CREBBP: variants seen among roughly 807,000 people sequenced by gnomAD.
The protein encoded by CREBBP is CREB binding lysine acetyltransferase, also known as CREB-binding protein.
A neutral mutation model predicts 265.0 loss-of-function variants in CREBBP; 19 were observed. That is an observed-to-expected ratio of 0.07 (90% CI 0.05 to 0.11). The LOEUF (loss-of-function observed/expected upper bound fraction) is 0.11. CREBBP is among the 10% of genes least tolerant of loss of function. CREBBP has a pLI of 1.00. For synonymous variants in CREBBP, 1,457 were observed against 1,223.7 expected (o/e 1.19, Z -3.98); for missense variants, 2,525 against 3,219.0 (o/e 0.78, Z 5.22).
intron 5 of CREBBP, among the ~76,000 whole-genome samples, chr16:3,785,184 T>C (rs1162316676): frequency 6.6e-6 from 1 of 152,174 alleles, no homozygotes; most frequent in Non-Finnish European, 1.5e-5. Flanking sequence ...CCATCAACTG[T>C]ACTGCAACCT....
At chr16:3,761,653 G>A (rs1021282176) in intron 16 of CREBBP, 35 of 504,206 alleles carry the variant, frequency 6.9e-5, no homozygotes, top group African/African-American at 6.1e-4. Flanking sequence ...TGAGGTCCGG[G>A]CAACCAGGTA....
chr16:3,734,525 C>T (rs1044251512), intron 28 of CREBBP, among the ~76,000 whole-genome samples: 1 of 152,200 alleles, frequency 6.6e-6, no homozygotes, highest in African/African-American at 2.4e-5. Context: ...CTGCGCAAAG[C>T]CTGTCTCGGA....
At chr16:3,729,988 G>C (rs1381837777) in intron 30 of CREBBP, 114 bp from the exon 31 acceptor site, 1 of 1,520,546 alleles carries the variant, frequency 6.6e-7, no homozygotes, top group African/African-American at 1.4e-5. Context: ...GACCCAGGCA[G>C]GATAGGAGAC....
rs907474283 is a variant in CREBBP at position 3,880,011 on chromosome 16, G to C, written c.-95C>G. On this transcript the variant is annotated 5_prime_UTR_variant, in exon 1 of 31. Transcript: ENST00000262367. ...GGGCCCTGCCGGCTGCGAGGGAGAG[G>C]AGCGAGCGCGGGCCGCGAGCGGGCG... 9.1e-7 allele frequency: 1 copy of C among 1,104,352 alleles called. No individual in the cohort carries two copies. Among genetic ancestry groups the C allele is most frequent in the Non-Finnish European group, 1.2e-6 (1 of 850,620 alleles). 68.4% of individuals were successfully genotyped at this position (1,104,352 alleles called of 1,614,324 possible).
intron 5 of CREBBP, among the ~76,000 whole-genome samples, chr16:3,790,832 A>G (rs1309740050): frequency 6.6e-6 from 1 of 152,130 alleles, no homozygotes; most frequent in Non-Finnish European, 1.5e-5. Flanking sequence ...GACTCAGTAA[A>G]AGGAAAACCA....
chr16:3,876,691 T>C (rs1489515572), intron 1 of CREBBP, among the ~76,000 whole-genome samples: 2 of 152,170 alleles, frequency 1.3e-5, no homozygotes, highest in East Asian at 1.9e-4. Context: ...TACTTTAACA[T>C]CTGAGGCCAT....
chr16:3,851,619 C>G (rs2054838655), intron 1 of CREBBP, among the ~76,000 whole-genome samples: 1 of 152,030 alleles, frequency 6.6e-6, no homozygotes, highest in African/African-American at 2.4e-5. Flanking sequence ...CTTTGGGAGG[C>G]TGAGGCAGGC....
At position 3,731,687 on chromosome 16, in the gene CREBBP, G is replaced by A. The variant is rs993018807; in HGVS notation, c.4890+89C>T. Reference sequence around the variant, plus strand: ...TGGGGGCCACTTCCCTCCCACCACAGACCTGCACACGGGCCCACGCCCGCC... The same window carrying A: ...TGGGGGCCACTTCCCTCCCACCACAAACCTGCACACGGGCCCACGCCCGCC... On this transcript the variant is annotated intron_variant, in intron 29 of 30. Coordinates refer to ENST00000262367, the MANE Select transcript of CREBBP (RefSeq NM_004380.3). The surrounding 1 kb of genome is among the most constrained non-coding windows in gnomAD (Gnocchi z 7.7). 7.0e-6 allele frequency: 11 copies of A among 1,573,984 alleles called. No homozygotes were observed. Among genetic ancestry groups the A allele is most frequent in the Non-Finnish European group, 8.7e-6 (10 of 1,146,042 alleles).
Position 3,751,768 on chromosome 16 carries a change from C to T in CREBBP, c.3737G>A (p.Gly1246Asp), listed in dbSNP as rs2151373743. 1.9e-6 allele frequency: 3 copies of T among 1,614,158 alleles called. No individual in the cohort carries two copies. Among genetic ancestry groups the T allele is most frequent in the Non-Finnish European group, 2.5e-6 (3 of 1,180,038 alleles). ...GTCGTCACCCAGGGTCACATTCTCGCCCTGGATCTCTGTGAAACACTTCTC... is the reference window on the plus strand; with the variant it reads ...GTCGTCACCCAGGGTCACATTCTCGTCCTGGATCTCTGTGAAACACTTCTC... ...FCEKCFTEIQ[G>D]ENVTLGDDPS... is the part of the protein sequence containing the mutation. Residue 1246 changes from glycine to aspartate, a missense_variant, in exon 20 of 31, where the codon GGC (glycine) becomes GAC (aspartate). By Grantham distance (94) the Gly-to-Asp change is moderately conservative. This residue lies in a region of CREBBP where 252 missense variants were observed against 452.5 expected (regional missense o/e 0.56). Coordinates refer to ENST00000262367, the MANE Select transcript of CREBBP (RefSeq NM_004380.3).
intron 1 of CREBBP, among the ~76,000 whole-genome samples, chr16:3,861,652 C>CAAAA (rs368654449): frequency 8.3e-6 from 1 of 121,086 alleles, no homozygotes; most frequent in Non-Finnish European, 1.8e-5. Context: ...CTCTCTATAC[C>CAAAA]AAAAAAAAAA....
In CREBBP at chr16:3,731,717, G is replaced by A. The variant is rs2051921850; in HGVS notation, c.4890+59C>T. 6.2e-7 allele frequency: 1 copy of A among 1,610,018 alleles called. No individual in the cohort carries two copies. Among genetic ancestry groups the A allele is most frequent in the South Asian group, 1.1e-5 (1 of 90,998 alleles). ...GCACACGGGCCCACGCCCGCCAGCTGCGAGTCTTTCCCTCCTCCCGGCCAG... is the reference window on the plus strand; with the variant it reads ...GCACACGGGCCCACGCCCGCCAGCTACGAGTCTTTCCCTCCTCCCGGCCAG... On this transcript the variant is annotated intron_variant, in intron 29 of 30. Transcript: ENST00000262367. This position sits in a 1 kb window ranked among gnomAD's most constrained non-coding sequence, Gnocchi z 7.7.
chr16:3,728,956 G>A lies in CREBBP; in HGVS notation c.6091C>T (p.Pro2031Ser), dbSNP rs1596784872. 2 of 1,598,450 alleles carry A rather than the reference G, an allele frequency of 1.3e-6. No homozygotes were observed. The highest frequency in any genetic ancestry group is 1.1e-5 in the South Asian group (1 of 90,576). Residue 2031 changes from proline (P) to serine (S), a missense_variant, in exon 31 of 31, where the codon CCC becomes TCC. This residue lies in a region of CREBBP where 275 missense variants were observed against 276.5 expected (regional missense o/e 0.99). Coordinates refer to ENST00000262367, the MANE Select transcript of CREBBP (RefSeq NM_004380.3). The surrounding 1 kb of genome is among the most constrained non-coding windows in gnomAD (Gnocchi z 8.7). The stretch of plus-strand genomic sequence containing the variant: ...ACAGGCCTGGGCAAGCCTGGCATGG[G>A]CTGCTGCTGGGGAAGGGGCGCCTGC... ...WQQAPLPQQQPMPGLPRPVIS... is the reference protein window; with the variant it reads ...WQQAPLPQQQSMPGLPRPVIS...
intron 2 of CREBBP, among the ~76,000 whole-genome samples, chr16:3,834,750 G>A (rs565187426): frequency 4.6e-4 from 70 of 152,256 alleles, no homozygotes; most frequent in African/African-American, 1.7e-3. Flanking sequence ...AGTTGGGGAG[G>A]ATGTTGAAAA....
chr16:3,736,773 T>C lies in CREBBP; in HGVS notation c.4437A>G (p.Gly1479=). Reference sequence around the variant, plus strand: ...GGTGGCAATGGAAGATGTAATCATCTCCTTCACTTGGAGGACAGGCCCAGA... The same window carrying C: ...GGTGGCAATGGAAGATGTAATCATCCCCTTCACTTGGAGGACAGGCCCAGA... ...GHIWACPPSE[G]DDYIFHCHPP... is the part of the protein sequence containing the mutation. Residue 1479 remains glycine (G), a synonymous_variant, in exon 27 of 31, where the codon GGA becomes GGG. Transcript: ENST00000262367. 1 of 1,613,786 alleles carries C rather than the reference T, an allele frequency of 6.2e-7. No individual in the cohort carries two copies. Among genetic ancestry groups the C allele is most frequent in the Non-Finnish European group, 8.5e-7 (1 of 1,179,836 alleles).
rs2055496141 is a variant in CREBBP at position 3,880,025 on chromosome 16, C to CGCGA, written c.-113_-110dup. 2.1e-6 allele frequency: 2 copies of CGCGA among 947,256 alleles called. No individual in the cohort carries two copies. Among genetic ancestry groups the CGCGA allele is most frequent in the South Asian group, 4.7e-5 (1 of 21,478 alleles). 58.7% of individuals were successfully genotyped at this position (947,256 alleles called of 1,614,324 possible). Reference sequence around the variant, plus strand: ...GCGAGGGAGAGGAGCGAGCGCGGGCCGCGAGCGGGCGGGCGGGCGCCGAGG... The same window carrying CGCGA: ...GCGAGGGAGAGGAGCGAGCGCGGGCCGCGAGCGAGCGGGCGGGCGGGCGCCGAGG... On this transcript the variant is annotated 5_prime_UTR_variant, in exon 1 of 31. Transcript: ENST00000262367.
chr16:3,727,576 T>A lies in CREBBP; in HGVS notation c.*142A>T. ...TTTTAACAAAAAAATATATTCTTTG[T>A]ATTGTTTCTTTAAACATCAATCCAC... On this transcript the variant is annotated 3_prime_UTR_variant, in exon 31 of 31. Transcript: ENST00000262367. 7.4e-7 allele frequency: 1 copy of A among 1,353,792 alleles called. No individual in the cohort carries two copies. The allele number at this position is 1,353,792 out of a possible 1,614,324, so 83.9% of individuals were successfully genotyped here.
chr16:3,837,971 A>ACC (rs2054489440), intron 2 of CREBBP, among the ~76,000 whole-genome samples: 1 of 152,042 alleles, frequency 6.6e-6, no homozygotes, highest in South Asian at 2.1e-4. Context: ...TTCATAGTAA[A>ACC]TGCCTTATAC....
chr16:3,829,370 C>G (rs902015866), intron 2 of CREBBP, among the ~76,000 whole-genome samples: 13 of 152,106 alleles, frequency 8.5e-5, no homozygotes, highest in African/African-American at 2.9e-4. Context: ...CATAATGTTA[C>G]GTTCACACCA....
intron 2 of CREBBP, among the ~76,000 whole-genome samples, chr16:3,811,784 G>A (rs2053942734): frequency 6.6e-6 from 1 of 152,102 alleles, no homozygotes; most frequent in Admixed American, 6.5e-5. Context: ...ATGAGCCACC[G>A]TGCCCGGCCC....
Sources: gnomAD v4.1 joint callset for allele counts (sites outside exome capture counted in the v4.1 genomes callset) on GRCh38, gnomAD v4.1.1 for gene constraint, gnomAD v4.1.1 regional missense constraint, Gnocchi (gnomAD v3.1) non-coding constraint, MANE v1.5 for transcripts, NCBI Gene and HGNC (gene_info 2026-07-23, HGNC 2026-07-21) for gene names.